SLC24A2: variants seen among roughly 807,000 people sequenced by gnomAD.
The protein encoded by SLC24A2 is sodium/potassium/calcium exchanger 2.
A neutral mutation model predicts 62.0 loss-of-function variants in SLC24A2; 36 were observed. That is an observed-to-expected ratio of 0.58 (90% confidence interval 0.44 to 0.77). The LOEUF (loss-of-function observed/expected upper bound fraction) is 0.77. SLC24A2 is among the 30% of genes least tolerant of loss of function. The pLI is 0.00. For missense variants in SLC24A2, 846 were observed against 817.9 expected (o/e 1.03, Z -0.42); for synonymous variants, 358 against 294.0 (o/e 1.22, Z -2.23).
chr9:20,255,166 C>A, the SLC24A2 span, among the ~76,000 whole-genome samples: 1 of 152,208 alleles, frequency 6.6e-6, no homozygotes, highest in East Asian at 1.9e-4. Flanking sequence ...TGTCTAATAT[C>A]TACGCCATCA....
At chr9:19,623,742 T>G (rs557588025) in intron 2 of SLC24A2, among the ~76,000 whole-genome samples, 1 of 152,240 alleles carries the variant, frequency 6.6e-6, no homozygotes, top group Admixed American at 6.5e-5. Flanking sequence ...ATTTTGATTT[T>G]TGTAGACACC....
chr9:19,759,543 T>G (rs968842327), intron 2 of SLC24A2, among the ~76,000 whole-genome samples: 1 of 152,228 alleles, frequency 6.6e-6, no homozygotes, highest in Non-Finnish European at 1.5e-5. Flanking sequence ...TGCAGCCATA[T>G]GGACACTTGC....
chr9:19,802,355 T>G, the SLC24A2 span, among the ~76,000 whole-genome samples: 14 of 152,216 alleles, frequency 9.2e-5, no homozygotes, highest in African/African-American at 2.9e-4. Flanking sequence ...AAATCTTGTG[T>G]AAGTGTATAT....
chr9:20,203,048 C>T, the SLC24A2 span, among the ~76,000 whole-genome samples: 2 of 151,962 alleles, frequency 1.3e-5, no homozygotes, highest in Non-Finnish European at 2.9e-5. Flanking sequence ...ATCCTTAAAT[C>T]CCCCATTAAT....
chr9:19,793,918 C>A (rs1203923792), upstream of SLC24A2, among the ~76,000 whole-genome samples: 4 of 152,200 alleles, frequency 2.6e-5, no homozygotes, highest in African/African-American at 9.6e-5. Flanking sequence ...ATATAAATAT[C>A]AAAATATCCT....
the SLC24A2 span, among the ~76,000 whole-genome samples, chr9:20,239,249 A>G: frequency 6.6e-6 from 1 of 152,228 alleles, no homozygotes; most frequent in African/African-American, 2.4e-5. Flanking sequence ...TTTCAGATAA[A>G]TCACAAAAAA....
the SLC24A2 span, among the ~76,000 whole-genome samples, chr9:20,275,196 G>T: frequency 3.9e-5 from 6 of 152,184 alleles, no homozygotes; most frequent in East Asian, 7.7e-4. Context: ...ATAGAGCTCA[G>T]TTAGGGGTTA....
Position 19,739,628 on chromosome 9 carries a change from T to G in SLC24A2, c.930+46309A>C, listed in dbSNP as rs146611139. Among the ~76,000 whole-genome samples, 1,067 of 152,266 alleles carry G rather than the reference T, an allele frequency of 7.0e-3. 10 individuals carry two copies. Among genetic ancestry groups the G allele is most frequent in the Non-Finnish European group, 9.6e-3 (652 of 67,998 alleles). On this transcript the variant is annotated intron_variant, in intron 2 of 10. Transcript: ENST00000341998. Reference sequence around the variant, plus strand: ...ATATTGATATGCGGGAAGAAAAGAATTTCACCCCTATCTTACGTCATAAAC... The same window carrying G: ...ATATTGATATGCGGGAAGAAAAGAAGTTCACCCCTATCTTACGTCATAAAC...
intron 2 of SLC24A2, among the ~76,000 whole-genome samples, chr9:19,626,000 C>G (rs1049295307): frequency 3.3e-5 from 5 of 152,044 alleles, no homozygotes; most frequent in African/African-American, 1.2e-4. Context: ...AATCCCATTT[C>G]TTTATAGGAA....
Position 19,788,922 on chromosome 9 carries a change from C to T in SLC24A2, c.-191G>A. On this transcript the variant is annotated 5_prime_UTR_variant, in exon 1 of 11. Coordinates refer to ENST00000341998, the MANE Select transcript of SLC24A2 (RefSeq NM_020344.4). ...GGAGGACGCGCACACGGCGGGGCCC[C>T]CGAGCGCGGCCCGCCGCTCCAGTCC... 4 of 985,162 alleles carry T rather than the reference C, an allele frequency of 4.1e-6. No homozygotes were observed. The highest frequency in any genetic ancestry group is 4.8e-6 in the Non-Finnish European group (4 of 829,690). 61.0% of individuals were successfully genotyped at this position (985,162 alleles called of 1,614,324 possible).
At chr9:19,660,315 T>A (rs1234554512) in intron 2 of SLC24A2, among the ~76,000 whole-genome samples, 1 of 152,230 alleles carries the variant, frequency 6.6e-6, no homozygotes, top group African/African-American at 2.4e-5. Flanking sequence ...AAGTGACAAC[T>A]TAACTCTTAT....
At chr9:20,042,270 A>C in the SLC24A2 span, among the ~76,000 whole-genome samples, 2 of 152,196 alleles carry the variant, frequency 1.3e-5, no homozygotes, top group African/African-American at 4.8e-5. Context: ...GGGAAAGGAA[A>C]AGAACAACTT....
At chr9:19,838,212 A>G in the SLC24A2 span, among the ~76,000 whole-genome samples, 1 of 152,236 alleles carries the variant, frequency 6.6e-6, no homozygotes. Context: ...AACTGGTACC[A>G]AAACAGAGGT....
At position 19,759,482 on chromosome 9, in the gene SLC24A2, A is replaced by T. The variant is rs574971974; in HGVS notation, c.930+26455T>A. Among the ~76,000 whole-genome samples, 55 of 152,356 alleles carry T rather than the reference A, an allele frequency of 3.6e-4. 1 individual carries two copies. In the South Asian group the frequency reaches 0.011, roughly 29 times the overall value. ...TGAAATTATCCCATAAAAGCAGAAC[A>T]ATATTCTTTAGTCAGTTCACAAAAC... On this transcript the variant is annotated intron_variant, in intron 2 of 10. Transcript: ENST00000341998.
the SLC24A2 span, among the ~76,000 whole-genome samples, chr9:20,193,397 A>G: frequency 6.6e-6 from 1 of 152,100 alleles, no homozygotes; most frequent in East Asian, 1.9e-4. Context: ...TTCTAAGAAG[A>G]AAAAGAAAAG....
At chr9:20,153,339 G>A in the SLC24A2 span, among the ~76,000 whole-genome samples, 2 of 151,876 alleles carry the variant, frequency 1.3e-5, no homozygotes, top group East Asian at 1.9e-4. Context: ...TAAAAGGACT[G>A]GAACCAAACA....
chr9:20,035,771 T>C, the SLC24A2 span, among the ~76,000 whole-genome samples: 1 of 151,984 alleles, frequency 6.6e-6, no homozygotes, highest in African/African-American at 2.4e-5. Context: ...AATAAATAAA[T>C]AAATTGAAAT....
chr9:19,856,829 G>A, the SLC24A2 span, among the ~76,000 whole-genome samples: 37 of 152,288 alleles, frequency 2.4e-4, no homozygotes, highest in East Asian at 1.7e-3. Flanking sequence ...GATCGGTTGC[G>A]CTGCACTGCA....
intron 5 of SLC24A2, among the ~76,000 whole-genome samples, chr9:19,591,255 A>T (rs1836540533): frequency 6.6e-6 from 1 of 152,118 alleles, no homozygotes; most frequent in Non-Finnish European, 1.5e-5. Context: ...CTCCATTTGG[A>T]TGTCTCATAG....
Sources: allele counts gnomAD v4.1 joint callset (sites outside exome capture counted in the v4.1 genomes callset), GRCh38; gene constraint gnomAD v4.1.1; transcripts MANE v1.5; gene names NCBI Gene and HGNC (gene_info 2026-07-23, HGNC 2026-07-21).